Variants in RELN observed in about 807,000 individuals in gnomAD.
RELN encodes reelin.
RELN carries 108 observed loss-of-function variants against 427.6 expected under a neutral mutation model. The ratio of observed to expected loss-of-function variants is 0.25; its 90% CI spans 0.22 to 0.30. The LOEUF is 0.30. Among genes scored for constraint, RELN ranks in the 10% least tolerant of loss-of-function variants. The pLI, the probability that RELN is intolerant of heterozygous loss-of-function variation, is 1.00. For synonymous variants in RELN, 1,524 were observed against 1,513.4 expected (o/e 1.01, Z -0.16); for missense variants, 3,715 against 4,302.8 (o/e 0.86, Z 3.82).
rs200653362 is a variant in RELN at position 103,611,681 on chromosome 7, G to A, written c.2825C>T (p.Pro942Leu). The A allele has an allele frequency of 1.2e-6, 2 of 1,613,782 alleles. No homozygotes were observed. The highest frequency in any genetic ancestry group is 1.3e-5 in the African/African-American group (1 of 75,006). Residue 942 changes from proline (P) to leucine (L), a missense_variant, in exon 21 of 65, where the codon CCA (proline) becomes CTA (leucine). Pro to Leu is a moderately conservative substitution (Grantham distance 98). This residue lies in a region of RELN where 2,208 missense variants were observed against 2,361.7 expected (regional missense o/e 0.93). Transcript: ENST00000428762. Reference protein sequence around the residue: ...LVMGCGQKYTPHMDNQVKLEY... With the variant: ...LVMGCGQKYTLHMDNQVKLEY... Reference sequence around the variant, plus strand: ...CAGCTTCACCTGGTTGTCCATGTGTGGGGTGTATTTCTGGCCACATCCCAT... The same window carrying A: ...CAGCTTCACCTGGTTGTCCATGTGTAGGGTGTATTTCTGGCCACATCCCAT...
At chr7:103,646,057 C>T (rs143178333) in intron 16 of RELN, among the ~76,000 whole-genome samples, 271 of 151,626 alleles carry the variant, frequency 1.8e-3, no homozygotes, top group East Asian at 7.6e-3. Flanking sequence ...AAAATGAACA[C>T]AGAAATTAAA....
chr7:103,728,685 T>C (rs1418479738), intron 6 of RELN, among the ~76,000 whole-genome samples: 1 of 152,192 alleles, frequency 6.6e-6, no homozygotes, highest in African/African-American at 2.4e-5. Flanking sequence ...TAAAAACTTG[T>C]ATCTCTGAAA....
intron 1 of RELN, among the ~76,000 whole-genome samples, chr7:103,957,488 G>C (rs1435499449): frequency 6.6e-6 from 1 of 152,112 alleles, no homozygotes; most frequent in Non-Finnish European, 1.5e-5. Flanking sequence ...TGGCAATCTC[G>C]TATTATAGAG....
At chr7:103,683,182 A>G (rs1031383093) in intron 10 of RELN, among the ~76,000 whole-genome samples, 6 of 152,138 alleles carry the variant, frequency 3.9e-5, no homozygotes, top group African/African-American at 1.4e-4. Flanking sequence ...AACAGAGATG[A>G]AAAAAACCAA....
chr7:103,805,358 C>T (rs183540061), intron 3 of RELN, among the ~76,000 whole-genome samples: 6 of 152,256 alleles, frequency 3.9e-5, no homozygotes, highest in Middle Eastern at 3.4e-3. Flanking sequence ...TTTAGATATA[C>T]GAACGTGCAT....
At chr7:103,921,374 C>T (rs1439722002) in intron 1 of RELN, among the ~76,000 whole-genome samples, 1 of 152,128 alleles carries the variant, frequency 6.6e-6, no homozygotes, top group African/African-American at 2.4e-5. Flanking sequence ...TTATTCATGG[C>T]TTTACAAATT....
chr7:103,840,092 C>T (rs1438341558), intron 2 of RELN, among the ~76,000 whole-genome samples: 1 of 152,238 alleles, frequency 6.6e-6, no homozygotes, highest in Non-Finnish European at 1.5e-5. Flanking sequence ...AAGGCCTCCC[C>T]AGGAGAAGCC....
chr7:103,520,954 G>GTTTTTTTTTTTTTT (rs1462369530), intron 48 of RELN, among the ~76,000 whole-genome samples: 2 of 78,200 alleles, frequency 2.6e-5, no homozygotes, highest in African/African-American at 5.0e-5. Context: ...CAGTAAATTT[G>GTTTTTTTTTTTTTT]TTATTTTTTT....
chr7:103,489,982 G>C (rs1228092821), intron 59 of RELN, 83 bp from the exon 60 acceptor site: 1 of 1,535,386 alleles, frequency 6.5e-7, no homozygotes, highest in East Asian at 2.3e-5. Context: ...CTGGGAGAGG[G>C]GACTATTTGT....
chr7:103,709,737 G>A (rs890905430), intron 8 of RELN, among the ~76,000 whole-genome samples: 1 of 152,176 alleles, frequency 6.6e-6, no homozygotes, highest in Non-Finnish European at 1.5e-5. Context: ...ATAAACTGAT[G>A]TGCATATGCT....
chr7:103,757,410 T>C (rs143293074), intron 4 of RELN, among the ~76,000 whole-genome samples: 4 of 152,144 alleles, frequency 2.6e-5, no homozygotes, highest in African/African-American at 4.8e-5. Flanking sequence ...CTGTTACTGA[T>C]TTTCTGTCTC....
chr7:103,486,661 A>G (rs1038485763), intron 60 of RELN, among the ~76,000 whole-genome samples: 3 of 152,240 alleles, frequency 2.0e-5, no homozygotes, highest in African/African-American at 7.2e-5. Flanking sequence ...AAAAAAGCTC[A>G]TCATCACTGG....
chr7:103,661,495 T>A lies in RELN; in HGVS notation c.1322A>T (p.Glu441Val). The change falls in exon 12 of 65, where the codon GAA (glutamate) becomes GTA (valine). Residue 441 changes from glutamate to valine, a missense_variant. By Grantham distance (121) the Glu-to-Val change is moderately radical. Transcript: ENST00000428762. ...WDVLGAVIGT[E>V]CGTIESGLSM... ...TAAGCCTGATTCTATCGTTCCACAT[T>A]CTGTACCAATGACAGCTCCCAAGAC... 6.2e-7 allele frequency: 1 copy of A among 1,613,780 alleles called. No individual in the cohort carries two copies. The highest frequency in any genetic ancestry group is 8.5e-7 in the Non-Finnish European group (1 of 1,179,850).
chr7:103,912,965 C>T (rs1795403489), intron 2 of RELN, among the ~76,000 whole-genome samples: 1 of 152,008 alleles, frequency 6.6e-6, no homozygotes, highest in African/African-American at 2.4e-5. Context: ...TTAAACATCA[C>T]ACTTCCCAAG....
chr7:103,806,337 T>C (rs921005706), intron 3 of RELN, among the ~76,000 whole-genome samples: 1 of 152,110 alleles, frequency 6.6e-6, no homozygotes, highest in Non-Finnish European at 1.5e-5. Context: ...CTTTTTTCTT[T>C]TTTTTTAGAC....
At chr7:103,849,133 C>T (rs1358194836) in intron 2 of RELN, among the ~76,000 whole-genome samples, 1 of 152,152 alleles carries the variant, frequency 6.6e-6, no homozygotes, top group Non-Finnish European at 1.5e-5. Context: ...ACAGTTCCTG[C>T]TAAATAATGA....
intron 16 of RELN, among the ~76,000 whole-genome samples, chr7:103,641,331 T>C (rs1455825119): frequency 6.6e-6 from 1 of 152,228 alleles, no homozygotes; most frequent in Non-Finnish European, 1.5e-5. Context: ...TTCTCTGTCC[T>C]GTAGTCATTT....
At chr7:103,493,864 C>A (rs1337322338) in intron 57 of RELN, among the ~76,000 whole-genome samples, 1 of 152,110 alleles carries the variant, frequency 6.6e-6, no homozygotes, top group Admixed American at 6.5e-5. Context: ...TGCTGACTTT[C>A]AAGTATGTAG....
In RELN at chr7:103,654,191, G is replaced by A. The variant is rs750263183; in HGVS notation, c.1456C>T (p.Pro486Ser). Residue 486 changes from proline (P) to serine (S), a missense_variant, in exon 13 of 65, where the codon CCT becomes TCT. This residue lies in a region of RELN where 2,208 missense variants were observed against 2,361.7 expected (regional missense o/e 0.93). Transcript: ENST00000428762. ...FYFVMGGICDPGNSHENDIIL... is the reference protein window; with the variant it reads ...FYFVMGGICDSGNSHENDIIL... ...ATGTCATTTTCATGAGAATTTCCAG[G>A]GTCACAAATTCCTCCTGCACAAAAC... 1.9e-6 allele frequency: 3 copies of A among 1,609,352 alleles called. No homozygotes were observed. The highest frequency in any genetic ancestry group is 1.3e-5 in the African/African-American group (1 of 74,638).
Sources: gnomAD v4.1 joint callset for allele counts (sites outside exome capture counted in the v4.1 genomes callset) on GRCh38, gnomAD v4.1.1 for gene constraint, gnomAD v4.1.1 regional missense constraint, MANE v1.5 for transcripts, NCBI Gene and HGNC (gene_info 2026-07-23, HGNC 2026-07-21) for gene names.